CARMIL3: variants seen among roughly 807,000 people sequenced by gnomAD.
CARMIL3 encodes capping protein regulator and myosin 1 linker 3, also known as capping protein, Arp2/3 and myosin-I linker protein 3.
In CARMIL3, 88 loss-of-function variants were observed where a neutral mutation model predicts 180.8. That is an observed-to-expected ratio of 0.49 (90% CI 0.41 to 0.58). The LOEUF is 0.58. CARMIL3 is among the 20% of genes least tolerant of loss of function. The pLI is 0.00. For missense variants in CARMIL3, 1,548 were observed against 1,787.0 expected, an observed-to-expected ratio of 0.87 and a Z score of 2.41; for synonymous variants, 696 against 714.5, an observed-to-expected ratio of 0.97 and a Z score of 0.41.
chr14:24,067,063 C>T (rs2035794483), intron 36 of CARMIL3, among the ~76,000 whole-genome samples: 1 of 152,226 alleles, frequency 6.6e-6, no homozygotes, highest in East Asian at 1.9e-4. Context: ...ACCTCAGATT[C>T]CAGCCTCCTC....
chr14:24,068,091 G>A (rs2035807450), intron 36 of CARMIL3, among the ~76,000 whole-genome samples: 1 of 152,254 alleles, frequency 6.6e-6, no homozygotes. Context: ...GGGCTAAGGA[G>A]CGTGGATGTA....
chr14:24,053,261 T>G (rs575282119), intron 1 of CARMIL3, among the ~76,000 whole-genome samples: 1 of 152,152 alleles, frequency 6.6e-6, no homozygotes, highest in East Asian at 1.9e-4. Context: ...CCAGGAGGCA[T>G]GCACACTCTC....
chr14:24,065,000 G>A lies in CARMIL3; in HGVS notation c.3123G>A (p.Glu1041=). The part of the protein sequence containing the change: ...TLRTVRPGLS[E]APLPPLQKKR... ...GGACCGTGCGGCCAGGACTCTCGGA[G>A]GCACCGCTGCCTCCACTCCAGAAGA... is the stretch of plus-strand genomic sequence containing the variant. The change falls in exon 33 of 40, where the codon GAG becomes GAA. Residue 1041 remains glutamate (E), a synonymous_variant. Coordinates refer to ENST00000342740, the MANE Select transcript of CARMIL3 (RefSeq NM_138360.4). The A allele has an allele frequency of 6.2e-7, 1 of 1,612,260 alleles. No individual in the cohort carries two copies. Among genetic ancestry groups the A allele is most frequent in the South Asian group, 1.1e-5 (1 of 91,050 alleles).
rs138280978 is a variant in CARMIL3, at chr14:24,055,776, G to A, written c.757G>A (p.Ala253Thr). The A allele has an allele frequency of 2.3e-5, 37 of 1,613,930 alleles. No individual in the cohort carries two copies. The highest frequency in any genetic ancestry group is 2.3e-4 in the African/African-American group (17 of 74,910). Residue 253 changes from alanine to threonine, a missense_variant, in exon 10 of 40, where the codon GCC becomes ACC. By Grantham distance (58) the Ala-to-Thr change is moderately conservative (BLOSUM62 0). Transcript: ENST00000342740. ...CCTCGAAGAGCTGGTGCTGGACAAC[G>A]CCGGGCTTAAGACGTGAGGCCAGTC... is the stretch of plus-strand genomic sequence containing the variant. ...GSLEELVLDN[A>T]GLKTDFVQKL...
chr14:24,053,797 A>G lies in CARMIL3; in HGVS notation c.129A>G (p.Arg43=). Residue 43 remains arginine (R), a synonymous_variant, in exon 2 of 40, where the codon CGA becomes CGG. Coordinates refer to ENST00000342740, the MANE Select transcript of CARMIL3 (RefSeq NM_138360.4). The part of the protein sequence containing the change: ...LETKPKKFED[R]VLALTSWRLH... ...CAAAGCCCAAGAAGTTTGAGGACCG[A>G]GTGCTGGTGAGGGCACTGGGCATGT... 2 of 1,611,892 alleles carry G rather than the reference A, an allele frequency of 1.2e-6. No individual in the cohort carries two copies. Among genetic ancestry groups the G allele is most frequent in the Non-Finnish European group, 1.7e-6 (2 of 1,178,790 alleles).
Position 24,055,750 on chromosome 14 carries a change from G to A in CARMIL3, c.731G>A (p.Ser244Asn). The change falls in exon 10 of 40, where the codon AGC (serine) becomes AAC (asparagine). Residue 244 changes from serine (S) to asparagine (N), a missense_variant. By Grantham distance (46) the Ser-to-Asn change is conservative. Around this residue, in one of 4 missense-constraint regions of CARMIL3, gnomAD observed 578 missense variants for 666.5 expected, o/e 0.87. Coordinates refer to ENST00000342740, the MANE Select transcript of CARMIL3 (RefSeq NM_138360.4). ...QVLHTLSKSGSLEELVLDNAG... is the reference protein window; with the variant it reads ...QVLHTLSKSGNLEELVLDNAG... ...CTACATACCCTAAGCAAGTCGGGGA[G>A]CCTCGAAGAGCTGGTGCTGGACAAC... 1.2e-6 allele frequency: 2 copies of A among 1,614,096 alleles called. No individual in the cohort carries two copies. The highest frequency in any genetic ancestry group is 1.1e-5 in the South Asian group (1 of 91,080).
intron 6 of CARMIL3, 38 bp from the exon 7 acceptor site, chr14:24,055,028 C>T (rs987555748): frequency 6.2e-7 from 1 of 1,607,552 alleles, no homozygotes; most frequent in African/African-American, 1.3e-5. Flanking sequence ...TCCCCATCTC[C>T]TTACCCTCAT....
rs772514924 is a variant in CARMIL3 at position 24,062,753 on chromosome 14, G to T, written c.2613G>T (p.Gly871=). The part of the protein sequence containing the change: ...TQLRTLSDPP[G]CPGQGQDLSS... ...TAAGGACGCTGTCAGATCCACCAGG[G>T]TGCCCAGGCCAAGGGCAGGATCTGT... The change falls in exon 29 of 40, where the codon GGG becomes GGT. Residue 871 remains glycine, a synonymous_variant. Coordinates refer to ENST00000342740, the MANE Select transcript of CARMIL3 (RefSeq NM_138360.4). The T allele has an allele frequency of 3.1e-6, 5 of 1,613,366 alleles. No homozygotes were observed. The highest frequency in any genetic ancestry group is 4.2e-6 in the Non-Finnish European group (5 of 1,179,662).
Position 24,058,358 on chromosome 14 carries a change from T to A in CARMIL3, c.1392+134T>A. ...CCCTGACCTGGCCACACCACCACTT[T>A]CCCCTCTCAGTCTGGCCTCTTTTCC... On this transcript the variant is annotated intron_variant, in intron 17 of 39. Transcript: ENST00000342740. The surrounding 1 kb of genome is among the most constrained non-coding windows in gnomAD (Gnocchi z 6.4). 2 of 903,780 alleles carry A rather than the reference T, an allele frequency of 2.2e-6. No homozygotes were observed. Among genetic ancestry groups the A allele is most frequent in the South Asian group, 3.3e-5 (2 of 61,176 alleles). The allele number at this position is 903,780 out of a possible 1,614,324, so 56.0% of individuals were successfully genotyped here. A position where few individuals can be genotyped will look rare whatever the true frequency, so the allele number is the denominator to read the frequency against.
At chr14:24,065,575 G>GC (rs754134920) in intron 33 of CARMIL3, 47 bp from the exon 34 acceptor site, 3 of 1,560,242 alleles carry the variant, frequency 1.9e-6, no homozygotes, top group Non-Finnish European at 2.6e-6. Context: ...AGCCTGGGGA[G>GC]CCCCCTTCGA....
intron 34 of CARMIL3, 57 bp downstream of exon 34, chr14:24,065,807 T>C (rs745849356): frequency 2.1e-5 from 33 of 1,584,406 alleles, no homozygotes; most frequent in Non-Finnish European, 1.3e-5. Context: ...TCCACCACCC[T>C]CTCCTTCCCA....
rs2138709546 is a variant in CARMIL3, at chr14:24,055,766, G to A, written c.747G>A (p.Val249=). The A allele has an allele frequency of 6.2e-7, 1 of 1,614,106 alleles. No homozygotes were observed. The highest frequency in any genetic ancestry group is 8.5e-7 in the Non-Finnish European group (1 of 1,179,988). Reference sequence around the variant, plus strand: ...AGTCGGGGAGCCTCGAAGAGCTGGTGCTGGACAACGCCGGGCTTAAGACGT... The same window carrying A: ...AGTCGGGGAGCCTCGAAGAGCTGGTACTGGACAACGCCGGGCTTAAGACGT... The part of the protein sequence containing the change: ...LSKSGSLEEL[V]LDNAGLKTDF... Residue 249 remains valine, a synonymous_variant, in exon 10 of 40, where the codon GTG becomes GTA. Transcript: ENST00000342740.
intron 38 of CARMIL3, 69 bp from the exon 39 acceptor site, chr14:24,069,068 C>T: frequency 6.3e-7 from 1 of 1,599,158 alleles, no homozygotes; most frequent in Non-Finnish European, 8.5e-7. Context: ...AACCAGGAGT[C>T]ACAGCCTGGA....
At chr14:24,056,765 T>C in intron 12 of CARMIL3, 57 bp downstream of exon 12, 3 of 1,566,758 alleles carry the variant, frequency 1.9e-6, no homozygotes, top group Non-Finnish European at 1.8e-6. Context: ...CCTGGGGTGT[T>C]GAGCTCCAGA....
intron 32 of CARMIL3, among the ~76,000 whole-genome samples, chr14:24,064,585 A>C (rs1594553692): frequency 6.6e-6 from 1 of 152,134 alleles, no homozygotes; most frequent in South Asian, 2.1e-4. Context: ...GGGGTTGGAG[A>C]GCAGGTGTGG....
rs1376376362 is a variant in CARMIL3, at chr14:24,055,691, C to G, written c.682-10C>G. The G allele has an allele frequency of 1.2e-6, 2 of 1,614,112 alleles. No individual in the cohort carries two copies. Among genetic ancestry groups the G allele is most frequent in the Non-Finnish European group, 1.7e-6 (2 of 1,179,990 alleles). The stretch of plus-strand genomic sequence containing the variant: ...TGGCCCCTGATCACAAGACCCCCCT[C>G]TGTCCTCAGGGCTCTGAAGTGCTAG... On this transcript the variant is annotated splice_polypyrimidine_tract_variant and intron_variant, in intron 9 of 39. Transcript: ENST00000342740.
chr14:24,064,250 C>T lies in CARMIL3; in HGVS notation c.2984C>T (p.Pro995Leu). ...ACGGGACTTTCCTCCCAGCAGATGC[C>T]AGCACCTGGGACTCGTCAGGAGAAT... is the stretch of plus-strand genomic sequence containing the variant. ...TPPGPGRPSMPAPGTRQENGM... is the reference protein window; with the variant it reads ...TPPGPGRPSMLAPGTRQENGM... The change falls in exon 32 of 40, where the codon CCA becomes CTA. Residue 995 changes from proline (P) to leucine (L), a missense_variant. Pro to Leu is a moderately conservative substitution (Grantham distance 98). Around this residue, in one of 4 missense-constraint regions of CARMIL3, gnomAD observed 668 missense variants for 687.8 expected, o/e 0.97. Coordinates refer to ENST00000342740, the MANE Select transcript of CARMIL3 (RefSeq NM_138360.4). The T allele has an allele frequency of 1.9e-6, 3 of 1,611,142 alleles. No individual in the cohort carries two copies. Among genetic ancestry groups the T allele is most frequent in the Non-Finnish European group, 2.5e-6 (3 of 1,178,662 alleles).
rs752326992 is a variant in CARMIL3, at chr14:24,057,024, T to C, written c.1062T>C (p.Asn354=). The change falls in exon 13 of 40, where the codon AAT becomes AAC. Residue 354 remains asparagine, a splice_region_variant and synonymous_variant. Coordinates refer to ENST00000342740, the MANE Select transcript of CARMIL3 (RefSeq NM_138360.4). ...GGCTCCTCGCCACGGATGAGGCCAA[T>C]GTGAGTCCTCAGAACAGCCTCAGCC... is the stretch of plus-strand genomic sequence containing the variant. ...NPGLLATDEA[N]ALYSFLAQPN... is the part of the protein sequence containing the mutation. The C allele has an allele frequency of 1.2e-6, 2 of 1,612,856 alleles. No individual in the cohort carries two copies. Among genetic ancestry groups the C allele is most frequent in the Non-Finnish European group, 1.7e-6 (2 of 1,179,346 alleles).
intron 1 of CARMIL3, 80 bp from the exon 2 acceptor site, chr14:24,053,629 T>G: frequency 9.7e-7 from 1 of 1,031,828 alleles, no homozygotes; most frequent in Non-Finnish European, 1.5e-6. Context: ...ACCCTGACCC[T>G]GCCTCTATCT....
Sources: allele counts gnomAD v4.1 joint callset (sites outside exome capture counted in the v4.1 genomes callset), GRCh38; gene constraint gnomAD v4.1.1; regional missense constraint gnomAD v4.1.1; non-coding constraint Gnocchi (gnomAD v3.1); transcripts MANE v1.5; gene names NCBI Gene and HGNC (gene_info 2026-07-23, HGNC 2026-07-21).